The following DST variants were observed in gnomAD, a reference collection of about 807,000 sequenced individuals.
DST encodes dystonin, also known as bullous pemphigoid antigen.
In DST, 253 loss-of-function variants were observed where a neutral mutation model predicts 875.2. The ratio of observed to expected loss-of-function variants is 0.29; its 90% CI spans 0.26 to 0.32. The LOEUF is 0.32. Among genes scored for constraint, DST ranks in the 10% least tolerant of loss-of-function variants. The probability of loss-of-function intolerance (pLI) is 1.00; values close to 1 mark genes in which losing one functional copy is unlikely to be tolerated. For missense variants in DST, 8,287 were observed against 9,111.6 expected (o/e 0.91, Z 3.68); for synonymous variants, 3,124 against 3,197.1 (o/e 0.98, Z 0.77).
Position 56,598,503 on chromosome 6 carries a change from T to G in DST, c.11901A>C (p.Thr3967=). 6.3e-7 allele frequency: 1 copy of G among 1,582,518 alleles called. No individual in the cohort carries two copies. The change falls in exon 46 of 104, where the codon ACA becomes ACC. Residue 3967 remains threonine, a synonymous_variant. Transcript: ENST00000680361. ...TTTCAGTTTCTTCCTTGATTGCTGT[T>G]GTCACAACTTTATCCAGCTCCTTTT... ...QSKKELDKVV[T]TAIKEETEKV...
At chr6:56,568,091 C>T (rs1218600824) in intron 55 of DST, among the ~76,000 whole-genome samples, 2 of 151,966 alleles carry the variant, frequency 1.3e-5, no homozygotes, top group Non-Finnish European at 1.5e-5. Flanking sequence ...TCCCAGCTGC[C>T]CAGACTCATT....
At chr6:56,568,086 GCTGCCCAGA>G (rs1272921556) in intron 55 of DST, among the ~76,000 whole-genome samples, 2 of 152,040 alleles carry the variant, frequency 1.3e-5, no homozygotes, top group Admixed American at 1.3e-4. Context: ...TTCTTTCCCA[GCTGCCCAGA>G]CTCATTTCTT....
chr6:56,481,346 G>A (rs1350929027), intron 90 of DST, among the ~76,000 whole-genome samples: 2 of 152,098 alleles, frequency 1.3e-5, no homozygotes, highest in African/African-American at 4.8e-5. Context: ...TGAGTCAAAG[G>A]TTAAAAAACA....
At chr6:56,750,467 A>G (rs2099583952) in intron 4 of DST, among the ~76,000 whole-genome samples, 1 of 152,156 alleles carries the variant, frequency 6.6e-6, no homozygotes, top group African/African-American at 2.4e-5. Flanking sequence ...ACATTTTAAA[A>G]ATAATATACG....
At chr6:56,568,632 T>C (rs2097722547) in intron 54 of DST, 37 bp from the exon 55 acceptor site, 1 of 1,516,646 alleles carries the variant, frequency 6.6e-7, no homozygotes, top group Admixed American at 2.0e-5. Context: ...TCCATCTTAA[T>C]ATTTTCAGAG....
rs1016543972 is a variant in DST at position 56,635,628 on chromosome 6, G to A, written c.3147C>T (p.Ser1049=). Reference sequence around the variant, plus strand: ...CAAGGTCTTCTAGCTTGTGAATGCTGCTTGATCTATCACAGCTGTACTTCC... The same window carrying A: ...CAAGGTCTTCTAGCTTGTGAATGCTACTTGATCTATCACAGCTGTACTTCC... ...IQRKYSCDRS[S]SIHKLEDLVQ... The change falls in exon 24 of 104, where the codon AGC becomes AGT. Residue 1049 remains serine (S), a synonymous_variant. Coordinates refer to ENST00000680361, the MANE Select transcript of DST (RefSeq NM_001374736.1). 1.2e-6 allele frequency: 2 copies of A among 1,613,780 alleles called. No individual in the cohort carries two copies. The highest frequency in any genetic ancestry group is 2.7e-5 in the African/African-American group (2 of 74,898).
At chr6:56,814,682 C>G (rs1167762452) in intron 4 of DST, among the ~76,000 whole-genome samples, 2 of 151,988 alleles carry the variant, frequency 1.3e-5, no homozygotes, top group African/African-American at 4.8e-5. Flanking sequence ...AAAAGCAAAC[C>G]CTGAAAAATG....
chr6:56,693,351 C>T (rs913147249), intron 9 of DST: 10 of 1,159,580 alleles, frequency 8.6e-6, no homozygotes, highest in African/African-American at 3.2e-5. Flanking sequence ...CCAGCCGGTC[C>T]GTGTCTCATT....
chr6:56,668,598 A>T (rs566465702), intron 10 of DST, among the ~76,000 whole-genome samples: 29 of 151,604 alleles, frequency 1.9e-4, no homozygotes, highest in African/African-American at 2.7e-4. Context: ...ATAAAAAAAA[A>T]TTTTAAAAAA....
chr6:56,886,390 C>G (rs896788615), intron 3 of DST, among the ~76,000 whole-genome samples: 4 of 152,190 alleles, frequency 2.6e-5, no homozygotes, highest in African/African-American at 7.2e-5. Flanking sequence ...ATACCCAACA[C>G]ACAGGGTGTT....
At position 56,639,358 on chromosome 6, in the gene DST, T is replaced by C; in HGVS notation, c.2865A>G (p.Leu955=). 6.2e-7 allele frequency: 1 copy of C among 1,613,226 alleles called. No individual in the cohort carries two copies. The highest frequency in any genetic ancestry group is 2.2e-5 in the East Asian group (1 of 44,850). The stretch of plus-strand genomic sequence containing the variant: ...CTTCCTTTTGATCAAGTTCTCTCAT[T>C]AATTCCTTCAAGAAATAATTAAGAA... ...IARKKDYHAE[L]MRELDQKEEN... The change falls in exon 22 of 104, where the codon TTA becomes TTG. Residue 955 remains leucine (L), a synonymous_variant. Transcript: ENST00000680361.
chr6:56,595,691 G>A (rs558418859), intron 47 of DST, among the ~76,000 whole-genome samples: 66 of 152,100 alleles, frequency 4.3e-4, no homozygotes, highest in African/African-American at 1.4e-3. Context: ...AACAGTGCCC[G>A]CCACCTAGTG....
chr6:56,836,850 C>CAAA lies in DST; in HGVS notation c.625+14544_625+14546dup, dbSNP rs1362120373. 5.8e-3 allele frequency among the ~76,000 whole-genome samples: 433 copies of CAAA among 74,314 alleles called. 3 individuals are homozygous for CAAA. The highest frequency in any genetic ancestry group is 0.019 in the African/African-American group (341 of 17,586). 48.8% of individuals were successfully genotyped at this position (74,314 alleles called of 152,430 possible). On this transcript the variant is annotated intron_variant, in intron 4 of 103. Transcript: ENST00000680361. ...TGGGCCACAGAGAGAGACTCCATCTCAAAAAAAAAAAAAGAAAGAAAAAAA... is the reference window on the plus strand; with the variant it reads ...TGGGCCACAGAGAGAGACTCCATCTCAAAAAAAAAAAAAAAAGAAAGAAAAAAA...
chr6:56,671,097 AT>A (rs1250107617), intron 9 of DST, among the ~76,000 whole-genome samples: 1 of 152,190 alleles, frequency 6.6e-6, no homozygotes, highest in Non-Finnish European at 1.5e-5. Context: ...AAATAAATAA[AT>A]TTTATCCATT....
chr6:56,608,406 C>A lies in DST; in HGVS notation c.6222G>T (p.Trp2074Cys). 2 of 1,613,490 alleles carry A rather than the reference C, an allele frequency of 1.2e-6. No homozygotes were observed. Among genetic ancestry groups the A allele is most frequent in the Non-Finnish European group, 1.7e-6 (2 of 1,179,784 alleles). ...EAQRGYVGLIWPHSGEIFPTS... is the reference protein window; with the variant it reads ...EAQRGYVGLICPHSGEIFPTS... Reference sequence around the variant, plus strand: ...TGGGAAATATTTCACCAGAATGGGGCCAAATGAGTCCAACATAGCCTCGCT... The same window carrying A: ...TGGGAAATATTTCACCAGAATGGGGACAAATGAGTCCAACATAGCCTCGCT... The change falls in exon 40 of 104, where the codon TGG becomes TGT. Residue 2074 changes from tryptophan to cysteine, a missense_variant. Transcript: ENST00000680361.
chr6:56,925,227 T>G (rs1439731489), intron 2 of DST, among the ~76,000 whole-genome samples: 1 of 151,816 alleles, frequency 6.6e-6, no homozygotes, highest in African/African-American at 2.4e-5. Context: ...ACTAGTGTTG[T>G]TTTTTTTCAT....
chr6:56,934,571 T>C (rs1434304878), intron 2 of DST, among the ~76,000 whole-genome samples: 1 of 137,540 alleles, frequency 7.3e-6, no homozygotes, highest in Admixed American at 7.4e-5. Flanking sequence ...TATATATATA[T>C]ATATATATAT....
chr6:56,573,660 T>A lies in DST; in HGVS notation c.13236+19A>T, dbSNP rs762689472. 2.6e-5 allele frequency: 41 copies of A among 1,588,180 alleles called. No homozygotes were observed. The highest frequency in any genetic ancestry group is 1.4e-5 in the African/African-American group (1 of 74,062). ...TTTTTAAAAAACTGAAAATGGGACT[T>A]TTTTTTAAAGTCACTTACAATGTTT... On this transcript the variant is annotated intron_variant, in intron 51 of 103. Coordinates refer to ENST00000680361, the MANE Select transcript of DST (RefSeq NM_001374736.1).
At chr6:56,888,805 C>T (rs1785888977) in intron 3 of DST, among the ~76,000 whole-genome samples, 1 of 152,006 alleles carries the variant, frequency 6.6e-6, no homozygotes, top group Non-Finnish European at 1.5e-5. Context: ...ATCAGAAAAA[C>T]AGAAAATTTC....
Sources: allele counts gnomAD v4.1 joint callset (sites outside exome capture counted in the v4.1 genomes callset), GRCh38; gene constraint gnomAD v4.1.1; transcripts MANE v1.5; gene names NCBI Gene and HGNC (gene_info 2026-07-23, HGNC 2026-07-21).